RALY: variants seen among roughly 807,000 people sequenced by gnomAD.
RALY encodes RALY heterogeneous nuclear ribonucleoprotein, also known as RNA-binding protein Raly.
Under a neutral mutation model 30.7 loss-of-function variants are expected in RALY, and 15 were observed. The observed-to-expected ratio is 0.49, with a 90% CI of 0.33 to 0.75. The LOEUF (loss-of-function observed/expected upper bound fraction) is 0.75. RALY is among the 30% of genes least tolerant of loss of function. RALY has a pLI of 0.02. For synonymous variants in RALY, 177 were observed against 170.8 expected, an observed-to-expected ratio of 1.04 and a Z score of -0.28; for missense variants, 339 against 414.3, an observed-to-expected ratio of 0.82 and a Z score of 1.58.
chr20:34,031,755 C>A (rs1224981636), intron 2 of RALY, among the ~76,000 whole-genome samples, 151 bp downstream of exon 2: 2 of 152,172 alleles, frequency 1.3e-5, no homozygotes, highest in African/African-American at 4.8e-5. Flanking sequence ...GCACAGGTAA[C>A]CTTCTGAACT....
intron 1 of RALY, among the ~76,000 whole-genome samples, chr20:34,005,771 G>T (rs904876862): frequency 5.3e-5 from 8 of 152,236 alleles, no homozygotes; most frequent in African/African-American, 9.6e-5. Flanking sequence ...TAAGAGATAT[G>T]CCGTGGGCAA....
intron 1 of RALY, among the ~76,000 whole-genome samples, chr20:34,018,145 T>C (rs2031677946): frequency 6.6e-6 from 1 of 152,230 alleles, no homozygotes; most frequent in Non-Finnish European, 1.5e-5. Context: ...ACCTAACGTG[T>C]AGCAAAACAG....
At chr20:34,019,331 G>GA (rs112980925) in intron 1 of RALY, among the ~76,000 whole-genome samples, 59 of 141,578 alleles carry the variant, frequency 4.2e-4, no homozygotes, top group Middle Eastern at 3.5e-3. Flanking sequence ...TGTCTCAAAA[G>GA]AAAAAAAAAA....
chr20:34,076,348 A>G (rs1473057390), intron 6 of RALY: 3 of 506,028 alleles, frequency 5.9e-6, no homozygotes, highest in African/African-American at 5.7e-5. Context: ...ACTCTGGTAC[A>G]CACATGCTGC....
Position 34,084,458 on chromosome 20 carries a change from G to C in RALY, c.*4553G>C, listed in dbSNP as rs532395686. On this transcript the variant is annotated 3_prime_UTR_variant, in exon 10 of 10. Transcript: ENST00000246194. ...TGGCTAACAAAAACAGGCATCCACT[G>C]TGTGGTTATGTCTATTCTATAGATT... The C allele has an allele frequency of 6.6e-6, 1 of 152,400 alleles. No individual in the cohort carries two copies. The highest frequency in any genetic ancestry group is 1.5e-5 in the Non-Finnish European group (1 of 68,076). 9.4% of individuals were successfully genotyped at this position (152,400 alleles called of 1,614,324 possible).
intron 1 of RALY, among the ~76,000 whole-genome samples, chr20:34,025,395 G>A (rs542552206): frequency 2.6e-5 from 4 of 151,982 alleles, no homozygotes; most frequent in South Asian, 2.1e-4. Flanking sequence ...TCCGCTGCCC[G>A]GGTTCAAGTT....
chr20:34,060,126 C>T lies in RALY; in HGVS notation c.-9-11940C>T, dbSNP rs17091491. ...ACACTTGAAGAGACTTTATCGCATC[C>T]ACCGTGATAGTATTTTTTTCCTTGA... On this transcript the variant is annotated intron_variant, in intron 2 of 9. Coordinates refer to ENST00000246194, the MANE Select transcript of RALY (RefSeq NM_016732.3). Among the ~76,000 whole-genome samples the T allele has an allele frequency of 8.8e-4, 134 of 152,246 alleles. 2 individuals are homozygous for T. In the East Asian group the frequency reaches 0.024, roughly 28 times the overall value.
chr20:34,047,636 T>TG (rs1367536220), intron 2 of RALY, among the ~76,000 whole-genome samples: 1 of 152,224 alleles, frequency 6.6e-6, no homozygotes, highest in East Asian at 1.9e-4. Context: ...AATCCTTCTC[T>TG]GCCATTTACT....
chr20:34,016,666 C>G (rs2031618644), intron 1 of RALY: 1 of 152,256 alleles, frequency 6.6e-6, no homozygotes, highest in South Asian at 2.1e-4. Context: ...TGGACATCAG[C>G]TTTCTCCACT....
chr20:34,042,364 A>C (rs1024008053), intron 2 of RALY, among the ~76,000 whole-genome samples: 1 of 152,216 alleles, frequency 6.6e-6, no homozygotes, highest in Admixed American at 6.5e-5. Context: ...TAATGTGCCA[A>C]GGTCACAGAG....
At chr20:34,054,741 G>A (rs893981408) in intron 2 of RALY, among the ~76,000 whole-genome samples, 2 of 151,774 alleles carry the variant, frequency 1.3e-5, no homozygotes, top group African/African-American at 2.4e-5. Flanking sequence ...CACAAGAATC[G>A]CTTGAACCTG....
intron 1 of RALY, among the ~76,000 whole-genome samples, chr20:34,008,834 T>G (rs931834169): frequency 6.6e-6 from 1 of 152,190 alleles, no homozygotes; most frequent in African/African-American, 2.4e-5. Flanking sequence ...GTTTTTTAAA[T>G]TTTTTTGTAG....
chr20:34,050,656 A>G (rs2033046874), intron 2 of RALY, among the ~76,000 whole-genome samples: 1 of 152,004 alleles, frequency 6.6e-6, no homozygotes, highest in Admixed American at 6.6e-5. Flanking sequence ...CCCATTTCTC[A>G]TTTCCAGTCA....
In RALY at chr20:34,028,054, G is replaced by A. The variant is rs979585388; in HGVS notation, c.-92-3468G>A. On this transcript the variant is annotated intron_variant, in intron 1 of 9. Transcript: ENST00000246194. ...CACCTGTGATCCCAGCACTTTGGGAGGCCAAGGCAAGCAGATAACTTGAGG... is the reference window on the plus strand; with the variant it reads ...CACCTGTGATCCCAGCACTTTGGGAAGCCAAGGCAAGCAGATAACTTGAGG... Among the ~76,000 whole-genome samples the A allele has an allele frequency of 5.9e-5, 9 of 152,318 alleles. No individual in the cohort carries two copies. In the East Asian group the frequency reaches 1.7e-3, roughly 29 times the overall value.
intron 2 of RALY, among the ~76,000 whole-genome samples, chr20:34,064,127 TAAAG>T (rs764303727): frequency 9.2e-5 from 14 of 152,094 alleles, no homozygotes; most frequent in Non-Finnish European, 1.8e-4. Flanking sequence ...TGGCAAAAAA[TAAAG>T]AGGTTGACAA....
At chr20:34,039,472 A>G (rs1346811215) in intron 2 of RALY, among the ~76,000 whole-genome samples, 1 of 152,170 alleles carries the variant, frequency 6.6e-6, no homozygotes, top group Non-Finnish European at 1.5e-5. Flanking sequence ...TGTATTCTCC[A>G]AGTGCCTCTT....
At position 34,040,945 on chromosome 20, in the gene RALY, T is replaced by C. The variant is rs569666339; in HGVS notation, c.-10+9341T>C. On this transcript the variant is annotated intron_variant, in intron 2 of 9. Transcript: ENST00000246194. Reference sequence around the variant, plus strand: ...TAGAGTGTTTGGGAGTACCCAAGAATAGGCGTTTGGTGCCCTGAGTGTAAT... The same window carrying C: ...TAGAGTGTTTGGGAGTACCCAAGAACAGGCGTTTGGTGCCCTGAGTGTAAT... Among the ~76,000 whole-genome samples the C allele has an allele frequency of 8.5e-5, 13 of 152,288 alleles. No individual in the cohort carries two copies. In the East Asian group the frequency reaches 2.5e-3, roughly 29 times the overall value.
chr20:34,005,744 C>G (rs2031129363), intron 1 of RALY, among the ~76,000 whole-genome samples: 1 of 152,212 alleles, frequency 6.6e-6, no homozygotes, highest in African/African-American at 2.4e-5. Context: ...AGATTGGAAA[C>G]TGAGACAAAG....
chr20:34,030,270 A>G (rs2032219399), intron 1 of RALY, among the ~76,000 whole-genome samples: 1 of 152,226 alleles, frequency 6.6e-6, no homozygotes. Flanking sequence ...GGGCAAATGT[A>G]CTTAATTTCT....
Sources: gnomAD v4.1 joint callset for allele counts (sites outside exome capture counted in the v4.1 genomes callset) on GRCh38, gnomAD v4.1.1 for gene constraint, MANE v1.5 for transcripts, NCBI Gene and HGNC (gene_info 2026-07-23, HGNC 2026-07-21) for gene names.